Variants in SLC35F3 observed in about 807,000 individuals in gnomAD.
SLC35F3 encodes putative thiamine transporter SLC35F3.
SLC35F3 carries 25 observed loss-of-function variants against 49.9 expected under a neutral mutation model. That is an observed-to-expected ratio of 0.50 (90% CI 0.37 to 0.70). The LOEUF (loss-of-function observed/expected upper bound fraction) is 0.70. Among genes scored for constraint, SLC35F3 ranks in the 30% least tolerant of loss-of-function variants. The pLI is 0.00. For missense variants in SLC35F3, 525 were observed against 639.8 expected (o/e 0.82, Z 1.94); for synonymous variants, 275 against 265.4 (o/e 1.04, Z -0.35).
At chr1:234,240,830 G>A (rs548885816) in intron 3 of SLC35F3, among the ~76,000 whole-genome samples, 1 of 152,180 alleles carries the variant, frequency 6.6e-6, no homozygotes. Flanking sequence ...CCCTGTCATT[G>A]TTTTAGGCTG....
chr1:234,080,229 G>T (rs545115544), intron 2 of SLC35F3, among the ~76,000 whole-genome samples: 2 of 152,340 alleles, frequency 1.3e-5, no homozygotes, highest in South Asian at 4.1e-4. Context: ...GAGCTTCCAG[G>T]TTGGTGAGCA....
intron 2 of SLC35F3, among the ~76,000 whole-genome samples, chr1:234,223,898 GCCGCCTTCTGTGTCCTCACATGA>G (rs1390587837): frequency 2.0e-5 from 3 of 152,180 alleles, no homozygotes; most frequent in African/African-American, 7.2e-5. Context: ...TTTGCAGATG[GCCGCCTTCTGTGTCCTCACATGA>G]CCCCTTCTCT....
At chr1:234,108,441 TAA>T (rs1367975026) in intron 2 of SLC35F3, among the ~76,000 whole-genome samples, 1 of 117,068 alleles carries the variant, frequency 8.5e-6, no homozygotes, top group Non-Finnish European at 1.6e-5. Context: ...AAGATATATA[TAA>T]AAGATATATA....
chr1:234,107,643 GGCTCTAT>G (rs746914421), intron 2 of SLC35F3, among the ~76,000 whole-genome samples: 69,073 of 151,776 alleles, frequency 0.46, 16,208 homozygotes, highest in East Asian at 0.82. Flanking sequence ...TAGAGCTCCT[GGCTCTAT>G]TTACCCAGCT....
chr1:234,206,307 C>T (rs1175021116), intron 2 of SLC35F3, among the ~76,000 whole-genome samples: 4 of 151,778 alleles, frequency 2.6e-5, no homozygotes. Context: ...AGCACGCAGT[C>T]GGGGAGGAGA....
At chr1:233,913,423 A>G (rs1217039800) in intron 2 of SLC35F3, among the ~76,000 whole-genome samples, 2 of 152,140 alleles carry the variant, frequency 1.3e-5, no homozygotes, top group Non-Finnish European at 2.9e-5. Context: ...TGCATCTCCT[A>G]TAGTGTTGTC....
chr1:234,121,537 T>C (rs1334201198), intron 2 of SLC35F3, among the ~76,000 whole-genome samples: 2 of 152,196 alleles, frequency 1.3e-5, no homozygotes, highest in African/African-American at 4.8e-5. Flanking sequence ...ATGAAAAGCA[T>C]TAATAATTAA....
At chr1:234,042,072 C>G (rs1016608254) in intron 2 of SLC35F3, among the ~76,000 whole-genome samples, 2 of 152,152 alleles carry the variant, frequency 1.3e-5, no homozygotes, top group Admixed American at 1.3e-4. Context: ...GGTCACTCTT[C>G]CCTGACGTCA....
intron 2 of SLC35F3, among the ~76,000 whole-genome samples, chr1:233,986,646 T>C (rs1340798296): frequency 6.6e-6 from 1 of 152,240 alleles, no homozygotes; most frequent in Non-Finnish European, 1.5e-5. Flanking sequence ...TCCCTTGCAG[T>C]TCTTAATTGA....
intron 3 of SLC35F3, among the ~76,000 whole-genome samples, chr1:234,301,864 A>T (rs1292970927): frequency 2.6e-5 from 4 of 152,254 alleles, no homozygotes. Flanking sequence ...CAGCCATGAA[A>T]AGAAATAAGA....
At chr1:234,212,018 A>C (rs992570158) in intron 2 of SLC35F3, among the ~76,000 whole-genome samples, 1 of 152,074 alleles carries the variant, frequency 6.6e-6, no homozygotes, top group Admixed American at 6.5e-5. Context: ...GTTTCATGAG[A>C]TCTGATGATT....
At position 234,000,562 on chromosome 1, in the gene SLC35F3, C is replaced by T. The variant is rs1009026702; in HGVS notation, c.283+94804C>T. Among the ~76,000 whole-genome samples the T allele has an allele frequency of 3.9e-5, 6 of 152,258 alleles. No individual in the cohort carries two copies. The East Asian group carries it at 7.7e-4, about 20-fold the overall frequency. On this transcript the variant is annotated intron_variant, in intron 2 of 7. Coordinates refer to ENST00000366618, the MANE Select transcript of SLC35F3 (RefSeq NM_173508.4). ...AGAGATGGTTTATAAACCATTGCTG[C>T]GTACAAGCAGTGCTACTGATTTCTG...
chr1:234,284,165 A>G lies in SLC35F3; in HGVS notation c.609-24936A>G, dbSNP rs374912566. Reference sequence around the variant, plus strand: ...AGCAATCCTCCCACCTTGGCCTCCCAAAGTGTTGGGATTATAGACATGAGC... The same window carrying G: ...AGCAATCCTCCCACCTTGGCCTCCCGAAGTGTTGGGATTATAGACATGAGC... On this transcript the variant is annotated intron_variant, in intron 3 of 7. Transcript: ENST00000366618. 2.6e-5 allele frequency among the ~76,000 whole-genome samples: 4 copies of G among 152,264 alleles called. No individual in the cohort carries two copies. The East Asian group carries it at 5.8e-4, about 22-fold the overall frequency.
At chr1:233,983,707 T>C (rs747083182) in intron 2 of SLC35F3, among the ~76,000 whole-genome samples, 4 of 152,114 alleles carry the variant, frequency 2.6e-5, no homozygotes, top group Non-Finnish European at 5.9e-5. Flanking sequence ...TTTAAGATGA[T>C]CAGTGTCCAA....
chr1:234,179,383 C>A (rs1666524234), intron 2 of SLC35F3, among the ~76,000 whole-genome samples: 3 of 152,128 alleles, frequency 2.0e-5, no homozygotes, highest in African/African-American at 7.2e-5. Flanking sequence ...TTCAAAAATT[C>A]CTTCACTAAT....
At chr1:234,302,283 A>G (rs1359140936) in intron 3 of SLC35F3, among the ~76,000 whole-genome samples, 1 of 152,164 alleles carries the variant, frequency 6.6e-6, no homozygotes. Context: ...CTAAGTTGGA[A>G]GCTAAGAGGG....
intron 2 of SLC35F3, among the ~76,000 whole-genome samples, chr1:233,920,403 T>C (rs151071977): frequency 6.6e-6 from 1 of 152,352 alleles, no homozygotes; most frequent in African/African-American, 2.4e-5. Context: ...TGTGTGATCA[T>C]GCCAACCGTG....
At chr1:233,971,536 A>G (rs1047234296) in intron 2 of SLC35F3, among the ~76,000 whole-genome samples, 2 of 152,120 alleles carry the variant, frequency 1.3e-5, no homozygotes, top group African/African-American at 4.8e-5. Context: ...CCCAGCCAAC[A>G]TGGTGAAACC....
chr1:233,926,519 A>C (rs1298019698), intron 2 of SLC35F3, among the ~76,000 whole-genome samples: 1 of 152,042 alleles, frequency 6.6e-6, no homozygotes. Context: ...TGTTTATTCT[A>C]GTTAGCCATT....
Sources: allele counts gnomAD v4.1 joint callset (sites outside exome capture counted in the v4.1 genomes callset), GRCh38; gene constraint gnomAD v4.1.1; transcripts MANE v1.5; gene names NCBI Gene and HGNC (gene_info 2026-07-23, HGNC 2026-07-21).